Variants in TNR observed in about 807,000 individuals in gnomAD.
The protein encoded by TNR is tenascin-R.
Under a neutral mutation model 150.4 loss-of-function variants are expected in TNR, and 45 were observed. The observed-to-expected ratio is 0.30, with a 90% confidence interval of 0.24 to 0.38. The LOEUF (loss-of-function observed/expected upper bound fraction) is 0.38. Ranked by LOEUF, TNR falls within the 10% of genes least tolerant of loss-of-function variation. TNR has a pLI of 1.00. For synonymous variants in TNR, 687 were observed against 678.4 expected, an observed-to-expected ratio of 1.01 and a Z score of -0.20; for missense variants, 1,544 against 1,759.1, an observed-to-expected ratio of 0.88 and a Z score of 2.19.
At chr1:175,397,865 T>A (rs75845134) in intron 4 of TNR, among the ~76,000 whole-genome samples, 2,033 of 152,358 alleles carry the variant, frequency 0.013, 22 homozygotes, top group Middle Eastern at 0.027. Context: ...CATTAAATAA[T>A]CAAGCCTTTA....
chr1:175,719,899 T>C (rs945372915), intron 1 of TNR, among the ~76,000 whole-genome samples: 1 of 152,196 alleles, frequency 6.6e-6, no homozygotes, highest in Non-Finnish European at 1.5e-5. Context: ...GTATGTTTCT[T>C]CCTAAATCTT....
intron 3 of TNR, among the ~76,000 whole-genome samples, chr1:175,404,593 C>T (rs1445660967): frequency 6.6e-6 from 1 of 152,220 alleles, no homozygotes; most frequent in African/African-American, 2.4e-5. Context: ...TAAGTTACAT[C>T]CTTGTTTAAT....
chr1:175,449,160 T>G (rs1277846565), intron 2 of TNR, among the ~76,000 whole-genome samples: 2 of 152,234 alleles, frequency 1.3e-5, no homozygotes, highest in Admixed American at 6.5e-5. Context: ...GTGTGGGAAT[T>G]GCCATCTGCC....
At chr1:175,418,518 T>C (rs1571412617) in intron 2 of TNR, among the ~76,000 whole-genome samples, 1 of 152,100 alleles carries the variant, frequency 6.6e-6, no homozygotes, top group Non-Finnish European at 1.5e-5. Context: ...GGTCAGGAGA[T>C]TGAGACCATT....
intron 2 of TNR, among the ~76,000 whole-genome samples, chr1:175,509,386 C>T (rs2102157528): frequency 6.6e-6 from 1 of 152,260 alleles, no homozygotes; most frequent in East Asian, 1.9e-4. Context: ...ATGATAAAGC[C>T]TGTTTCCAGG....
At chr1:175,402,673 G>A (rs151258687) in intron 4 of TNR, among the ~76,000 whole-genome samples, 76 of 152,260 alleles carry the variant, frequency 5.0e-4, no homozygotes, top group African/African-American at 1.7e-3. Context: ...GAGCCTCACA[G>A]ACCAACCACC....
chr1:175,640,171 G>T (rs1664610350), intron 1 of TNR, among the ~76,000 whole-genome samples: 1 of 152,212 alleles, frequency 6.6e-6, no homozygotes, highest in South Asian at 2.1e-4. Context: ...AGAGCCTGAA[G>T]ATTTTATCCC....
chr1:175,412,759 G>A (rs899470715), intron 2 of TNR, among the ~76,000 whole-genome samples: 4 of 152,278 alleles, frequency 2.6e-5, no homozygotes, highest in Admixed American at 6.5e-5. Context: ...GGCAGAGAAA[G>A]AAGATAGAAT....
intron 1 of TNR, among the ~76,000 whole-genome samples, chr1:175,692,320 G>A (rs1666392791): frequency 6.6e-6 from 1 of 152,212 alleles, no homozygotes; most frequent in South Asian, 2.1e-4. Context: ...TGTGCAGCTA[G>A]ACATGGCCCT....
At chr1:175,512,673 T>G (rs1407239468) in intron 2 of TNR, among the ~76,000 whole-genome samples, 1 of 152,178 alleles carries the variant, frequency 6.6e-6, no homozygotes, top group Non-Finnish European at 1.5e-5. Context: ...CTTTAAGAGT[T>G]GTGCAGAGTC....
intron 1 of TNR, among the ~76,000 whole-genome samples, chr1:175,594,116 T>C (rs1243561591): frequency 6.6e-6 from 1 of 152,184 alleles, no homozygotes; most frequent in Non-Finnish European, 1.5e-5. Flanking sequence ...TTAAGCCCCA[T>C]GGAACACTTT....
chr1:175,682,876 C>A (rs1168377513), intron 1 of TNR, among the ~76,000 whole-genome samples: 1 of 152,194 alleles, frequency 6.6e-6, no homozygotes, highest in Non-Finnish European at 1.5e-5. Context: ...CCTTTTCAAA[C>A]ATCCAAAGCC....
rs973812108 is a variant in TNR, at chr1:175,705,593, ATG to A, written c.-165+37631_-165+37632del. On this transcript the variant is annotated intron_variant, in intron 1 of 22. Transcript: ENST00000367674. Reference sequence around the variant, plus strand: ...GATGTGTGTACCTATGTATGTGTGTATGTGTGTGTGTGCGTGCGTGTGTGTGT... The same window carrying A: ...GATGTGTGTACCTATGTATGTGTGTATGTGTGTGTGCGTGCGTGTGTGTGT... 4.6e-4 allele frequency among the ~76,000 whole-genome samples: 70 copies of A among 151,684 alleles called. 1 individual carries two copies. Among genetic ancestry groups the A allele is most frequent in the African/African-American group, 1.6e-3 (66 of 41,336 alleles).
chr1:175,376,860 T>TATA (rs1553211469), intron 9 of TNR, among the ~76,000 whole-genome samples: 9,479 of 113,592 alleles, frequency 0.083, 367 homozygotes, highest in Admixed American at 0.15. Flanking sequence ...AAATGTAATA[T>TATA]TATATATATA....
At chr1:175,616,751 T>G (rs1663790396) in intron 1 of TNR, among the ~76,000 whole-genome samples, 1 of 152,136 alleles carries the variant, frequency 6.6e-6, no homozygotes, top group African/African-American at 2.4e-5. Context: ...AGTTGAGAAC[T>G]GGGAAAACTG....
intron 1 of TNR, among the ~76,000 whole-genome samples, chr1:175,550,318 C>T (rs935708938): frequency 6.6e-6 from 1 of 152,164 alleles, no homozygotes; most frequent in African/African-American, 2.4e-5. Flanking sequence ...CCCTACCCAG[C>T]CAAACAACTT....
chr1:175,546,058 C>T (rs1557998342), intron 1 of TNR, among the ~76,000 whole-genome samples: 1 of 152,196 alleles, frequency 6.6e-6, no homozygotes, highest in South Asian at 2.1e-4. Flanking sequence ...ACAGCCTCCC[C>T]TCAGCCCCTT....
intron 1 of TNR, among the ~76,000 whole-genome samples, chr1:175,663,990 C>A (rs990021000): frequency 6.6e-6 from 1 of 152,126 alleles, no homozygotes; most frequent in Non-Finnish European, 1.5e-5. Context: ...AAGTGTGGGT[C>A]CCAGGGGAAG....
chr1:175,602,028 G>T (rs546755788), intron 1 of TNR, among the ~76,000 whole-genome samples: 83 of 152,030 alleles, frequency 5.5e-4, no homozygotes, highest in Admixed American at 1.5e-3. Context: ...AAACCATCTG[G>T]GGAGACTTAG....
Sources: allele counts gnomAD v4.1 joint callset (sites outside exome capture counted in the v4.1 genomes callset), GRCh38; gene constraint gnomAD v4.1.1; transcripts MANE v1.5; gene names NCBI Gene and HGNC (gene_info 2026-07-23, HGNC 2026-07-21).